QRSL1: variants seen among roughly 807,000 people sequenced by gnomAD.
QRSL1 encodes glutamyl-tRNA(Gln) amidotransferase subunit A, mitochondrial.
In QRSL1, 54 loss-of-function variants were observed where a neutral mutation model predicts 61.6. The ratio of observed to expected loss-of-function variants is 0.88; its 90% confidence interval spans 0.70 to 1.10. The LOEUF (loss-of-function observed/expected upper bound fraction) is 1.10, where lower values mean the gene tolerates loss of function less well. QRSL1 is among the 50% of genes least tolerant of loss of function. The probability of loss-of-function intolerance (pLI) is 0.00; values close to 1 mark genes in which losing one functional copy is unlikely to be tolerated. For missense variants in QRSL1, 505 were observed against 622.6 expected, an observed-to-expected ratio of 0.81 and a Z score of 2.01; for synonymous variants, 228 against 225.7, an observed-to-expected ratio of 1.01 and a Z score of -0.09.
Position 106,665,927 on chromosome 6 carries a change from A to G in QRSL1, c.1512A>G (p.Gln504=). 1 of 1,614,002 alleles carries G rather than the reference A, an allele frequency of 6.2e-7. No homozygotes were observed. The highest frequency in any genetic ancestry group is 1.1e-5 in the South Asian group (1 of 91,080). ...FEKQVQFPVI[Q]LQELMDDCSA... is the part of the protein sequence containing the mutation. ...AACAAGTACAGTTTCCTGTTATTCAACTTCAAGAACTCATGGATGATTGTT... is the reference window on the plus strand; with the variant it reads ...AACAAGTACAGTTTCCTGTTATTCAGCTTCAAGAACTCATGGATGATTGTT... The change falls in exon 11 of 11, where the codon CAA becomes CAG. Residue 504 remains glutamine, a synonymous_variant. Transcript: ENST00000369046.
At chr6:106,649,872 T>TATC (rs775516571) in intron 5 of QRSL1, among the ~76,000 whole-genome samples, 57 of 152,352 alleles carry the variant, frequency 3.7e-4, no homozygotes, top group Non-Finnish European at 7.8e-4. Context: ...TTGCTGTGTT[T>TATC]ATCAGTCTCA....
At chr6:106,629,973 C>T (rs1211716135) in intron 1 of QRSL1, among the ~76,000 whole-genome samples, 1 of 151,856 alleles carries the variant, frequency 6.6e-6, no homozygotes, top group African/African-American at 2.4e-5. Context: ...TGGTGTAGGT[C>T]GGGATCCGGA....
intron 1 of QRSL1, among the ~76,000 whole-genome samples, chr6:106,639,415 C>T (rs918109469): frequency 2.0e-5 from 3 of 152,098 alleles, no homozygotes; most frequent in South Asian, 2.1e-4. Context: ...TGAGCCACTG[C>T]GCCCGGCCAG....
At chr6:106,631,677 A>C (rs926387778) in intron 1 of QRSL1, among the ~76,000 whole-genome samples, 2 of 152,062 alleles carry the variant, frequency 1.3e-5, no homozygotes, top group Admixed American at 6.6e-5. Context: ...AAAAAATTTT[A>C]ATGGGTACAT....
chr6:106,657,907 A>G (rs546665527), intron 9 of QRSL1, among the ~76,000 whole-genome samples: 1 of 152,078 alleles, frequency 6.6e-6, no homozygotes, highest in Non-Finnish European at 1.5e-5. Context: ...GTTTCACCAT[A>G]TTGGCCAGGC....
Position 106,652,261 on chromosome 6 carries a change from G to A in QRSL1, c.610G>A (p.Gly204Arg), listed in dbSNP as rs780034902. The A allele has an allele frequency of 6.2e-7, 1 of 1,614,012 alleles. No homozygotes were observed. The highest frequency in any genetic ancestry group is 2.2e-5 in the East Asian group (1 of 44,902). ...GSTRNPAAHC[G>R]LVGFKPSYGL... The stretch of plus-strand genomic sequence containing the variant: ...GACCAGAAATCCTGCTGCCCACTGT[G>A]GGCTTGTTGGTTTCAAACCAAGCTA... Residue 204 changes from glycine (G) to arginine (R), a missense_variant, in exon 6 of 11, where the codon GGG (glycine) becomes AGG (arginine). Gly to Arg is a moderately radical substitution (Grantham distance 125). Coordinates refer to ENST00000369046, the MANE Select transcript of QRSL1 (RefSeq NM_018292.5).
At chr6:106,630,854 G>A (rs1776809574) in intron 1 of QRSL1, among the ~76,000 whole-genome samples, 2 of 152,164 alleles carry the variant, frequency 1.3e-5, no homozygotes, top group African/African-American at 2.4e-5. Flanking sequence ...GAAATCCACA[G>A]GCTTTAAATA....
chr6:106,645,444 A>ACTCTGTCACC (rs1777092734), intron 4 of QRSL1, among the ~76,000 whole-genome samples: 3 of 150,776 alleles, frequency 2.0e-5, no homozygotes, highest in African/African-American at 4.9e-5. Context: ...TTTTTTTGAG[A>ACTCTGTCACC]CAGAATCTCA....
At chr6:106,649,584 T>A (rs1471998140) in intron 5 of QRSL1, among the ~76,000 whole-genome samples, 1 of 152,212 alleles carries the variant, frequency 6.6e-6, no homozygotes, top group East Asian at 1.9e-4. Context: ...TGAGTGCTGC[T>A]GAACTAAACT....
intron 3 of QRSL1, chr6:106,642,716 G>T: frequency 2.7e-6 from 2 of 749,778 alleles, no homozygotes; most frequent in Admixed American, 1.7e-5. Flanking sequence ...GAGAATGAAT[G>T]TGCATATTGA....
At chr6:106,631,263 C>A (rs1398115366) in intron 1 of QRSL1, among the ~76,000 whole-genome samples, 1 of 152,124 alleles carries the variant, frequency 6.6e-6, no homozygotes. Flanking sequence ...AATAAACAGA[C>A]AACACCCAAA....
chr6:106,659,355 C>T (rs893813749), intron 9 of QRSL1, among the ~76,000 whole-genome samples: 3 of 151,812 alleles, frequency 2.0e-5, no homozygotes, highest in African/African-American at 4.8e-5. Context: ...ATTCCAGCTA[C>T]TCGGGAGGCC....
At chr6:106,636,652 T>C (rs1201168976) in intron 1 of QRSL1, among the ~76,000 whole-genome samples, 1 of 152,146 alleles carries the variant, frequency 6.6e-6, no homozygotes, top group Non-Finnish European at 1.5e-5. Flanking sequence ...TGACCTCAGG[T>C]AGGAACTTCA....
chr6:106,661,821 C>T (rs1343718100), intron 9 of QRSL1, among the ~76,000 whole-genome samples: 25 of 150,436 alleles, frequency 1.7e-4, no homozygotes, highest in Non-Finnish European at 3.5e-4. Flanking sequence ...AAGCAATGCT[C>T]CTGCCTCAGC....
intron 1 of QRSL1, 71 bp from the exon 2 acceptor site, chr6:106,640,278 C>A (rs557689934): frequency 9.4e-6 from 13 of 1,384,500 alleles, no homozygotes; most frequent in Admixed American, 7.5e-5. Flanking sequence ...CATCTCCCCC[C>A]ACCCCCACCA....
intron 5 of QRSL1, among the ~76,000 whole-genome samples, chr6:106,650,564 TTTTTGATTTGTTTC>T (rs2114710192): frequency 1.8e-5 from 1 of 55,804 alleles, no homozygotes; most frequent in East Asian, 7.1e-4. Context: ...TGTTTACCCC[TTTTTGATTTGTTTC>T]TTTTACAATA....
At chr6:106,665,665 T>G in intron 10 of QRSL1, 117 bp from the exon 11 acceptor site, 1 of 810,532 alleles carries the variant, frequency 1.2e-6, no homozygotes, top group South Asian at 1.5e-5. Flanking sequence ...GCATAATATT[T>G]TTGGTTGTTT....
intron 5 of QRSL1, among the ~76,000 whole-genome samples, chr6:106,649,627 CTT>C (rs1777164772): frequency 6.6e-6 from 1 of 151,550 alleles, no homozygotes. Context: ...CAAGATCAAT[CTT>C]TTGAAAAAAA....
At chr6:106,643,197 C>A in intron 4 of QRSL1, 107 bp downstream of exon 4, 1 of 749,670 alleles carries the variant, frequency 1.3e-6, no homozygotes, top group African/African-American at 1.8e-5. Flanking sequence ...TTTCTTAGTC[C>A]CTCTGTGAGA....
Sources: gnomAD v4.1 joint callset for allele counts (sites outside exome capture counted in the v4.1 genomes callset) on GRCh38, gnomAD v4.1.1 for gene constraint, MANE v1.5 for transcripts, NCBI Gene and HGNC (gene_info 2026-07-23, HGNC 2026-07-21) for gene names.